The following ERI3 variants were observed in gnomAD, a reference collection of about 807,000 sequenced individuals.
ERI3 encodes ERI1 exoribonuclease family member 3.
Under a neutral mutation model 44.4 loss-of-function variants are expected in ERI3, and 18 were observed. That is an observed-to-expected ratio of 0.41 (90% CI 0.28 to 0.60). ERI3 has a LOEUF of 0.60. ERI3 is among the 20% of genes least tolerant of loss of function. The pLI, the probability that ERI3 is intolerant of heterozygous loss-of-function variation, is 0.36. For synonymous variants in ERI3, 183 were observed against 164.8 expected (o/e 1.11, Z -0.84); for missense variants, 294 against 435.5 (o/e 0.68, Z 2.89).
chr1:44,297,794 C>G (rs945695447), intron 6 of ERI3, among the ~76,000 whole-genome samples: 1 of 152,222 alleles, frequency 6.6e-6, no homozygotes, highest in Admixed American at 6.5e-5. Context: ...GGTCACTCAC[C>G]TTACAGGCAT....
chr1:44,277,814 A>T (rs1448283501), intron 7 of ERI3, among the ~76,000 whole-genome samples: 2 of 152,222 alleles, frequency 1.3e-5, no homozygotes, highest in African/African-American at 4.8e-5. Context: ...AAGTTTCATC[A>T]TCGCTCCATG....
At chr1:44,317,359 T>C (rs936435774) in intron 4 of ERI3, among the ~76,000 whole-genome samples, 1 of 152,164 alleles carries the variant, frequency 6.6e-6, no homozygotes, top group African/African-American at 2.4e-5. Context: ...ACAGCCCCCA[T>C]CCTGTGTCTA....
intron 8 of ERI3, among the ~76,000 whole-genome samples, chr1:44,236,121 T>A (rs1024928516): frequency 2.0e-5 from 3 of 152,166 alleles, no homozygotes; most frequent in African/African-American, 7.2e-5. Context: ...GGCTGTGAAT[T>A]AATCATGAGG....
At chr1:44,248,960 G>A (rs79785822) in intron 7 of ERI3, among the ~76,000 whole-genome samples, 3,269 of 151,958 alleles carry the variant, frequency 0.022, 111 homozygotes, top group African/African-American at 0.075. Flanking sequence ...CAGGGGCAGC[G>A]CCTTCCCTTA....
rs771124224 is a variant in ERI3 at position 44,339,176 on chromosome 1, T to A, written c.358A>T (p.Thr120Ser). ...CGVPEFCSIS[T>S]RKLAAHGFGA... is the part of the protein sequence containing the mutation. ...AAGCCGTGGGCCGCCAGCTTTCTGG[T>A]GGATATGGAGCAGAACTCCGGAACA... Residue 120 changes from threonine (T) to serine (S), a missense_variant, in exon 3 of 9, where the codon ACC becomes TCC. Thr to Ser is a moderately conservative substitution (Grantham distance 58). Coordinates refer to ENST00000372257, the MANE Select transcript of ERI3 (RefSeq NM_024066.3). The A allele has an allele frequency of 2.0e-5, 32 of 1,613,216 alleles. No individual in the cohort carries two copies. Among genetic ancestry groups the A allele is most frequent in the Non-Finnish European group, 2.6e-5 (31 of 1,179,844 alleles).
chr1:44,238,634 G>A (rs1644362764), intron 8 of ERI3, among the ~76,000 whole-genome samples: 1 of 152,144 alleles, frequency 6.6e-6, no homozygotes, highest in Non-Finnish European at 1.5e-5. Flanking sequence ...ACCCAAGAGT[G>A]ACGGGGAGGC....
intron 6 of ERI3, among the ~76,000 whole-genome samples, chr1:44,292,999 C>T (rs568874715): frequency 6.6e-6 from 1 of 152,344 alleles, no homozygotes; most frequent in Admixed American, 6.5e-5. Context: ...AGCGGGAAGC[C>T]GACAGCGAGC....
chr1:44,339,586 T>C (rs557199661), intron 2 of ERI3, among the ~76,000 whole-genome samples: 1 of 152,154 alleles, frequency 6.6e-6, no homozygotes, highest in East Asian at 1.9e-4. Flanking sequence ...CAAAACAACA[T>C]GCAACACTGG....
At chr1:44,237,880 C>T (rs956153514) in intron 8 of ERI3, among the ~76,000 whole-genome samples, 2 of 152,154 alleles carry the variant, frequency 1.3e-5, no homozygotes, top group Admixed American at 6.5e-5. Context: ...ATCCCACCCA[C>T]GTGCCTGGCC....
chr1:44,281,892 GT>G (rs1405396055), intron 7 of ERI3, among the ~76,000 whole-genome samples: 15 of 147,684 alleles, frequency 1.0e-4, no homozygotes, highest in Admixed American at 3.4e-4. Context: ...GTGTGTGTGT[GT>G]GTGTGTGTGT....
At chr1:44,250,734 G>C (rs546066089) in intron 7 of ERI3, among the ~76,000 whole-genome samples, 23 of 152,268 alleles carry the variant, frequency 1.5e-4, no homozygotes, top group African/African-American at 5.5e-4. Flanking sequence ...CCTCAGGGGG[G>C]GCATGGGGCG....
At chr1:44,272,119 TTTATCC>T (rs1470441932) in intron 7 of ERI3, among the ~76,000 whole-genome samples, 1 of 152,134 alleles carries the variant, frequency 6.6e-6, no homozygotes, top group Non-Finnish European at 1.5e-5. Flanking sequence ...GTGCTACCAT[TTTATCC>T]TCAGGTCAAC....
chr1:44,305,121 T>C (rs564067553), intron 6 of ERI3, among the ~76,000 whole-genome samples: 28 of 152,300 alleles, frequency 1.8e-4, no homozygotes, highest in African/African-American at 6.5e-4. Context: ...TTCCCTCCAG[T>C]CTTTCCCTCT....
At chr1:44,350,292 C>T (rs1646862869) in intron 2 of ERI3, among the ~76,000 whole-genome samples, 1 of 150,764 alleles carries the variant, frequency 6.6e-6, no homozygotes. Context: ...GACAGAGTCT[C>T]GCTCTGTTGC....
chr1:44,252,423 C>A lies in ERI3; in HGVS notation c.832-4385G>T, dbSNP rs1218194745. 6.6e-6 allele frequency among the ~76,000 whole-genome samples: 1 copy of A among 152,234 alleles called. No individual in the cohort carries two copies. Among genetic ancestry groups the A allele is most frequent in the Admixed American group, 6.5e-5 (1 of 15,290 alleles). Reference sequence around the variant, plus strand: ...CATCTGCGACGGGCCTGCCGCATAGCCCTGCTGTAGGTGCGGCGGGTGGCC... The same window carrying A: ...CATCTGCGACGGGCCTGCCGCATAGACCTGCTGTAGGTGCGGCGGGTGGCC... On this transcript the variant is annotated intron_variant, in intron 7 of 8. Coordinates refer to ENST00000372257, the MANE Select transcript of ERI3 (RefSeq NM_024066.3). This position sits in a 1 kb window ranked among gnomAD's most constrained non-coding sequence, Gnocchi z 4.7.
chr1:44,318,812 A>G (rs150059424), intron 4 of ERI3, among the ~76,000 whole-genome samples: 1 of 152,222 alleles, frequency 6.6e-6, no homozygotes, highest in Non-Finnish European at 1.5e-5. Context: ...CAGACTCTTA[A>G]AAGATTCTCA....
chr1:44,255,294 C>G (rs538020080), intron 7 of ERI3, among the ~76,000 whole-genome samples: 2 of 152,348 alleles, frequency 1.3e-5, no homozygotes, highest in East Asian at 1.9e-4. Flanking sequence ...TGCCCCACAT[C>G]TGTGGACAGT....
intron 7 of ERI3, among the ~76,000 whole-genome samples, chr1:44,262,143 A>G (rs1291115063): frequency 1.3e-5 from 2 of 152,130 alleles, no homozygotes; most frequent in African/African-American, 4.8e-5. Flanking sequence ...CCATGTCTCC[A>G]TATTATAATG....
chr1:44,239,926 C>T (rs1443510503), intron 8 of ERI3, among the ~76,000 whole-genome samples: 2 of 152,238 alleles, frequency 1.3e-5, no homozygotes, highest in Non-Finnish European at 2.9e-5. Context: ...TGCGGCTCCC[C>T]GCCCGCCCCT....
Sources: gnomAD v4.1 joint callset for allele counts (sites outside exome capture counted in the v4.1 genomes callset) on GRCh38, gnomAD v4.1.1 for gene constraint, Gnocchi (gnomAD v3.1) non-coding constraint, MANE v1.5 for transcripts, NCBI Gene and HGNC (gene_info 2026-07-23, HGNC 2026-07-21) for gene names.